Variants in LANCL3 observed in about 807,000 individuals in gnomAD.
The protein encoded by LANCL3 is LanC like family member 3.
A neutral mutation model predicts 26.5 loss-of-function variants in LANCL3; 19 were observed. The ratio of observed to expected loss-of-function variants is 0.72; its 90% CI spans 0.50 to 1.05. LANCL3 has a LOEUF of 1.05. Among genes scored for constraint, LANCL3 ranks in the 50% least tolerant of loss-of-function variants. The pLI is 0.00. For missense variants in LANCL3, 318 were observed against 362.7 expected (o/e 0.88, Z 1.00); for synonymous variants, 160 against 166.6 (o/e 0.96, Z 0.30).
rs143022970 is a variant in LANCL3 at position 37,670,234 on chromosome X, A to G, written c.1103+2745A>G. Among the ~76,000 whole-genome samples, 42 of 111,888 alleles carry G rather than the reference A, an allele frequency of 3.8e-4. No homozygotes were observed. In the East Asian group the frequency reaches 0.012, roughly 31 times the overall value. On this transcript the variant is annotated intron_variant, in intron 4 of 4. Transcript: ENST00000378619. Reference sequence around the variant, plus strand: ...ATTTTTTTCCTGTTGTGATGCTTCTATTCAGAATTGTAACTCTTTGTCAAT... The same window carrying G: ...ATTTTTTTCCTGTTGTGATGCTTCTGTTCAGAATTGTAACTCTTTGTCAAT...
In LANCL3 at chrX:37,587,069, G is replaced by A. The variant is rs782006678; in HGVS notation, c.573+14626G>A. ...AGTTTGCTGGAGGTCCACTCCAGAC[G>A]CTATTTGCCTGGGTATCAGCAGCAG... On this transcript the variant is annotated intron_variant, in intron 1 of 4. Coordinates refer to ENST00000378619, the MANE Select transcript of LANCL3 (RefSeq NM_001170331.2). Among the ~76,000 whole-genome samples the A allele has an allele frequency of 1.2e-3, 130 of 112,729 alleles. 1 individual carries two copies. Among genetic ancestry groups the A allele is most frequent in the Non-Finnish European group, 2.1e-3 (111 of 53,313 alleles).
At chrX:37,653,810 A>C (rs781951220) in intron 1 of LANCL3, among the ~76,000 whole-genome samples, 2 of 111,477 alleles carry the variant, frequency 1.8e-5, no homozygotes, top group East Asian at 5.6e-4. Flanking sequence ...CAGCATAGGA[A>C]GATAGGGTCT....
intron 1 of LANCL3, among the ~76,000 whole-genome samples, chrX:37,631,662 C>T (rs1450009657): frequency 5.4e-5 from 6 of 111,116 alleles, no homozygotes; most frequent in Non-Finnish European, 9.4e-5. Context: ...TCTTTGTTCT[C>T]GTTGGTTTCA....
At chrX:37,583,769 A>G (rs1168056556) in intron 1 of LANCL3, among the ~76,000 whole-genome samples, 1 of 112,102 alleles carries the variant, frequency 8.9e-6, no homozygotes, top group Non-Finnish European at 1.9e-5. Context: ...GCAAGCAGGG[A>G]CAATTTGACT....
intron 3 of LANCL3, among the ~76,000 whole-genome samples, chrX:37,660,421 C>T (rs1323918832): frequency 8.9e-6 from 1 of 111,844 alleles, no homozygotes; most frequent in Non-Finnish European, 1.9e-5. Context: ...ATAGTCATCC[C>T]CAGTAAACTC....
rs781864668 is a variant in LANCL3 at position 37,677,297 on chromosome X, A to C, written c.*1484A>C. The C allele has an allele frequency of 9.1e-6, 1 of 109,891 alleles. No individual in the cohort carries two copies. Among genetic ancestry groups the C allele is most frequent in the African/African-American group, 3.3e-5 (1 of 30,087 alleles). The allele number at this position is 109,891 out of a possible 1,213,427, so 9.1% of individuals were successfully genotyped here. Reference sequence around the variant, plus strand: ...TCTGTTGCCTAAAAAGCAAACCTACAAGTATGTTGGTGTGTGTATGTGTAT... The same window carrying C: ...TCTGTTGCCTAAAAAGCAAACCTACCAGTATGTTGGTGTGTGTATGTGTAT... On this transcript the variant is annotated 3_prime_UTR_variant, in exon 5 of 5. Coordinates refer to ENST00000378619, the MANE Select transcript of LANCL3 (RefSeq NM_001170331.2).
chrX:37,571,716 C>G lies in LANCL3; in HGVS notation c.-155C>G. On this transcript the variant is annotated 5_prime_UTR_variant, in exon 1 of 5. Coordinates refer to ENST00000378619, the MANE Select transcript of LANCL3 (RefSeq NM_001170331.2). ...CACTTGGCCATCCGCTCCTTGCCCG[C>G]CTCCTCTTGTCACCTCCCGTCTCAT... The G allele has an allele frequency of 4.5e-6, 2 of 441,402 alleles. No individual in the cohort carries two copies. The highest frequency in any genetic ancestry group is 7.4e-6 in the Non-Finnish European group (2 of 270,791). 36.4% of individuals were successfully genotyped at this position (441,402 alleles called of 1,213,427 possible). A position where few individuals can be genotyped will look rare whatever the true frequency, so the allele number is the denominator to read the frequency against.
chrX:37,651,328 C>A (rs1926138473), intron 1 of LANCL3, among the ~76,000 whole-genome samples: 1 of 111,724 alleles, frequency 9.0e-6, no homozygotes, highest in African/African-American at 3.3e-5. Flanking sequence ...ATGAAAAAAA[C>A]CATTATTTAA....
intron 1 of LANCL3, among the ~76,000 whole-genome samples, chrX:37,611,043 G>T (rs1007293201): frequency 2.7e-5 from 3 of 111,488 alleles, no homozygotes; most frequent in Non-Finnish European, 3.8e-5. Context: ...CGAGCCCATG[G>T]AGACTCTTGA....
intron 4 of LANCL3, among the ~76,000 whole-genome samples, chrX:37,669,914 A>G (rs997627546): frequency 2.7e-5 from 3 of 112,431 alleles, no homozygotes; most frequent in African/African-American, 9.7e-5. Context: ...TTTGCAGCTT[A>G]TAATTTTAAA....
At position 37,681,337 on chromosome X, in the gene LANCL3, C is replaced by G. The variant is rs905783907; in HGVS notation, c.*5524C>G. ...AACTCTAGTGTGTATTTTATACTTACTATACATCTCCAGTCTCGAAGTAGC... is the reference window on the plus strand; with the variant it reads ...AACTCTAGTGTGTATTTTATACTTAGTATACATCTCCAGTCTCGAAGTAGC... On this transcript the variant is annotated 3_prime_UTR_variant, in exon 5 of 5. Transcript: ENST00000378619. 2 of 112,265 alleles carry G rather than the reference C, an allele frequency of 1.8e-5. No individual in the cohort carries two copies. The highest frequency in any genetic ancestry group is 3.8e-5 in the Non-Finnish European group (2 of 53,244). The allele number at this position is 112,265 out of a possible 1,213,427, so 9.3% of individuals were successfully genotyped here. A position where few individuals can be genotyped will look rare whatever the true frequency, so the allele number is the denominator to read the frequency against.
rs1278893328 is a variant in LANCL3 at position 37,680,092 on chromosome X, C to T, written c.*4279C>T. ...TCTGTTCTTAGCTAAGAGTTCCAGC[C>T]TCAGTACAGCTGGATTACCCTTTGG... On this transcript the variant is annotated 3_prime_UTR_variant, in exon 5 of 5. Transcript: ENST00000378619. The T allele has an allele frequency of 1.8e-5, 2 of 111,440 alleles. No homozygotes were observed. The highest frequency in any genetic ancestry group is 3.8e-5 in the Non-Finnish European group (2 of 53,077). 9.2% of individuals were successfully genotyped at this position (111,440 alleles called of 1,213,427 possible).
At chrX:37,654,326 A>G (rs1293370299) in intron 1 of LANCL3, among the ~76,000 whole-genome samples, 1 of 112,880 alleles carries the variant, frequency 8.9e-6, no homozygotes, top group African/African-American at 3.2e-5. Context: ...TTATTTCAAA[A>G]GGAATTGGCT....
In LANCL3 at chrX:37,679,826, G is replaced by A. The variant is rs1556438338; in HGVS notation, c.*4013G>A. 9.0e-6 allele frequency: 1 copy of A among 111,179 alleles called. No individual in the cohort carries two copies. Among genetic ancestry groups the A allele is most frequent in the Non-Finnish European group, 1.9e-5 (1 of 53,038 alleles). 9.2% of individuals were successfully genotyped at this position (111,179 alleles called of 1,213,427 possible). On this transcript the variant is annotated 3_prime_UTR_variant, in exon 5 of 5. Coordinates refer to ENST00000378619, the MANE Select transcript of LANCL3 (RefSeq NM_001170331.2). Reference sequence around the variant, plus strand: ...GTGAGGGGAAGCTTGCTGAAGCTCAGTATCTCAAAGTGAGTTGTGGATGCG... The same window carrying A: ...GTGAGGGGAAGCTTGCTGAAGCTCAATATCTCAAAGTGAGTTGTGGATGCG...
At chrX:37,576,555 A>G (rs183708310) in intron 1 of LANCL3, among the ~76,000 whole-genome samples, 2 of 111,839 alleles carry the variant, frequency 1.8e-5, no homozygotes, top group Admixed American at 1.9e-4. Context: ...AAATTGATTA[A>G]TAAGAGCTTC....
intron 1 of LANCL3, among the ~76,000 whole-genome samples, chrX:37,604,961 A>T (rs1228283993): frequency 8.9e-6 from 1 of 112,444 alleles, no homozygotes; most frequent in African/African-American, 3.2e-5. Context: ...GAAATGAGAG[A>T]TGCATTGAGA....
At chrX:37,631,645 T>C (rs1355629187) in intron 1 of LANCL3, among the ~76,000 whole-genome samples, 3 of 111,722 alleles carry the variant, frequency 2.7e-5, no homozygotes, top group African/African-American at 9.8e-5. Flanking sequence ...GATTCTTGTA[T>C]GTTGTGTCTT....
In LANCL3 at chrX:37,609,503, G is replaced by C. The variant is rs1050429068; in HGVS notation, c.573+37060G>C. On this transcript the variant is annotated intron_variant, in intron 1 of 4. Coordinates refer to ENST00000378619, the MANE Select transcript of LANCL3 (RefSeq NM_001170331.2). ...TTGAAAGCCAAGTAAAGAAAGAGCT[G>C]CTTTTTAATTATCTGTAGATGCTAA... Among the ~76,000 whole-genome samples, 72 of 111,757 alleles carry C rather than the reference G, an allele frequency of 6.4e-4. 1 individual carries two copies. Among genetic ancestry groups the C allele is most frequent in the African/African-American group, 2.2e-3 (68 of 30,754 alleles).
intron 1 of LANCL3, among the ~76,000 whole-genome samples, chrX:37,617,489 G>A (rs902316505): frequency 6.3e-5 from 7 of 111,342 alleles, no homozygotes; most frequent in African/African-American, 2.3e-4. Flanking sequence ...GATAGGCATA[G>A]CACAAAAAGA....
Sources: allele counts gnomAD v4.1 joint callset (sites outside exome capture counted in the v4.1 genomes callset), GRCh38; gene constraint gnomAD v4.1.1; transcripts MANE v1.5; gene names NCBI Gene and HGNC (gene_info 2026-07-23, HGNC 2026-07-21).